The following UPK3A variants were observed in gnomAD, a reference collection of about 807,000 sequenced individuals.
UPK3A encodes uroplakin 3A, also known as uroplakin-3a.
In UPK3A, 32 loss-of-function variants were observed where a neutral mutation model predicts 27.6. The observed-to-expected ratio is 1.16, with a 90% CI of 0.87 to 1.55. UPK3A has a LOEUF of 1.55. Among genes scored for constraint, UPK3A ranks in the 40% most tolerant of loss-of-function variants. The pLI, the probability that UPK3A is intolerant of heterozygous loss-of-function variation, is 0.00. For synonymous variants in UPK3A, 171 were observed against 163.9 expected (o/e 1.04, Z -0.33); for missense variants, 370 against 367.9 (o/e 1.01, Z -0.05).
intron 3 of UPK3A, among the ~76,000 whole-genome samples, chr22:45,288,087 G>A (rs1034222770): frequency 5.9e-5 from 9 of 152,112 alleles, no homozygotes; most frequent in Non-Finnish European, 7.4e-5. Flanking sequence ...AAACCCCTTC[G>A]TCTTACAGGA....
At chr22:45,294,730 A>G (rs1810758578) in intron 5 of UPK3A, among the ~76,000 whole-genome samples, 1 of 151,808 alleles carries the variant, frequency 6.6e-6, no homozygotes, top group South Asian at 2.1e-4. Context: ...TTTTCCATGT[A>G]TCCCTCTTGC....
At chr22:45,286,424 C>T (rs9626305) in intron 2 of UPK3A, among the ~76,000 whole-genome samples, 1 of 152,198 alleles carries the variant, frequency 6.6e-6, no homozygotes, top group African/African-American at 2.4e-5. Flanking sequence ...CCCCCCTGGA[C>T]CTCCCAGGGC....
intron 4 of UPK3A, among the ~76,000 whole-genome samples, chr22:45,290,691 G>A (rs2084154442): frequency 6.6e-6 from 1 of 152,094 alleles, no homozygotes; most frequent in Middle Eastern, 3.2e-3. Context: ...TCCATGGCCT[G>A]TTAGGAACGG....
At chr22:45,288,651 A>T (rs2084136889) in intron 3 of UPK3A, among the ~76,000 whole-genome samples, 1 of 152,182 alleles carries the variant, frequency 6.6e-6, no homozygotes, top group Non-Finnish European at 1.5e-5. Flanking sequence ...TTTCTTTTTC[A>T]GTTTTCTTTG....
intron 5 of UPK3A, 132 bp from the exon 6 acceptor site, chr22:45,295,428 A>T: frequency 1.0e-6 from 1 of 1,004,770 alleles, no homozygotes; most frequent in Non-Finnish European, 1.6e-6. Context: ...AGAAAGATGG[A>T]TTGATTGAAT....
At chr22:45,292,213 G>C (rs1304877521) in intron 4 of UPK3A, among the ~76,000 whole-genome samples, 1 of 152,164 alleles carries the variant, frequency 6.6e-6, no homozygotes, top group Non-Finnish European at 1.5e-5. Context: ...GGTTCCTTTG[G>C]GGAACCCAGG....
chr22:45,293,236 C>T lies in UPK3A; in HGVS notation c.627C>T (p.Ile209=), dbSNP rs773622681. ...CAGGCCGGCGGAGCGGAGGCATGAT[C>T]GTCATCACTTCCATCCTGGGCTCCC... is the stretch of plus-strand genomic sequence containing the variant. ...TWPGRRSGGM[I]VITSILGSLP... Residue 209 remains isoleucine (I), a synonymous_variant, in exon 5 of 6, where the codon ATC becomes ATT. Transcript: ENST00000216211. 55 of 1,614,044 alleles carry T rather than the reference C, an allele frequency of 3.4e-5. No individual in the cohort carries two copies. The highest frequency in any genetic ancestry group is 2.7e-5 in the African/African-American group (2 of 74,936).
chr22:45,286,113 C>T lies in UPK3A; in HGVS notation c.208+17C>T, dbSNP rs201009211. ...TCGACTCAGGTAAGGGTCCTGCTTC[C>T]CTCTGGCTACTCCAAAAGGGGCTCT... On this transcript the variant is annotated intron_variant, in intron 2 of 5. Coordinates refer to ENST00000216211, the MANE Select transcript of UPK3A (RefSeq NM_006953.4). 52 of 1,613,914 alleles carry T rather than the reference C, an allele frequency of 3.2e-5. No individual in the cohort carries two copies. Among genetic ancestry groups the T allele is most frequent in the Middle Eastern group, 1.6e-4 (1 of 6,062 alleles).
chr22:45,290,918 T>C (rs1368243149), intron 4 of UPK3A, among the ~76,000 whole-genome samples: 1 of 152,066 alleles, frequency 6.6e-6, no homozygotes, highest in African/African-American at 2.4e-5. Flanking sequence ...TGTGTCACTG[T>C]CTCCCATCAC....
intron 4 of UPK3A, among the ~76,000 whole-genome samples, chr22:45,290,134 T>C (rs2084150058): frequency 6.6e-6 from 1 of 152,196 alleles, no homozygotes; most frequent in East Asian, 1.9e-4. Flanking sequence ...AACGCCAGGG[T>C]GCTGCGCTGT....
At chr22:45,288,017 G>A (rs2084131564) in intron 3 of UPK3A, among the ~76,000 whole-genome samples, 1 of 151,972 alleles carries the variant, frequency 6.6e-6, no homozygotes, top group African/African-American at 2.4e-5. Flanking sequence ...ATTTTGCTCT[G>A]GGGCCCACAG....
At position 45,294,414 on chromosome 22, in the gene UPK3A, C is replaced by CG. The variant is rs953957695; in HGVS notation, c.704+1101_704+1102insG. On this transcript the variant is annotated intron_variant, in intron 5 of 5. Coordinates refer to ENST00000216211, the MANE Select transcript of UPK3A (RefSeq NM_006953.4). ...CCCCATCCCTGCTAACCCTGGTACA[C>CG]CCCCCCCGGGAGACCTCGAGTCCTC... is the stretch of plus-strand genomic sequence containing the variant. 6.8e-4 allele frequency among the ~76,000 whole-genome samples: 45 copies of CG among 65,782 alleles called. No homozygotes were observed. In the African/African-American group the frequency reaches 0.015, roughly 21 times the overall value. 43.2% of individuals were successfully genotyped at this position (65,782 alleles called of 152,430 possible). A position where few individuals can be genotyped will look rare whatever the true frequency, so the allele number is the denominator to read the frequency against.
chr22:45,289,957 C>G (rs2147795581), intron 4 of UPK3A, among the ~76,000 whole-genome samples: 1 of 152,288 alleles, frequency 6.6e-6, no homozygotes, highest in East Asian at 1.9e-4. Context: ...GCTGACCCGG[C>G]ATTTACGTCC....
rs116064555 is a variant in UPK3A, at chr22:45,288,999, G to A, written c.489-62G>A. ...CTAGGCCATCCTACATCCCCCCACC[G>A]CCTCCCTGTGGGTGGGGCTCACAGG... On this transcript the variant is annotated intron_variant, in intron 3 of 5. Coordinates refer to ENST00000216211, the MANE Select transcript of UPK3A (RefSeq NM_006953.4). 857 of 1,533,550 alleles carry A rather than the reference G, an allele frequency of 5.6e-4. 6 individuals are homozygous for A. In the African/African-American group the frequency reaches 0.01, roughly 19 times the overall value. The allele number at this position is 1,533,550 out of a possible 1,614,324, so 95.0% of individuals were successfully genotyped here.
At chr22:45,290,332 C>T (rs1199854561) in intron 4 of UPK3A, among the ~76,000 whole-genome samples, 1 of 152,214 alleles carries the variant, frequency 6.6e-6, no homozygotes, top group Non-Finnish European at 1.5e-5. Flanking sequence ...GTGCATTTCA[C>T]CTGCAGAGCC....
intron 2 of UPK3A, 25 bp from the exon 3 acceptor site, chr22:45,287,147 C>T (rs774775556): frequency 1.1e-5 from 17 of 1,613,378 alleles, no homozygotes; most frequent in Non-Finnish European, 3.4e-6. Flanking sequence ...GGCCAGAAGC[C>T]TGACTCCCTG....
intron 2 of UPK3A, among the ~76,000 whole-genome samples, chr22:45,286,830 A>G (rs1476202449): frequency 1.3e-5 from 2 of 152,146 alleles, no homozygotes; most frequent in African/African-American, 4.8e-5. Context: ...TCCTGCCTCC[A>G]CGTTATTTCC....
At position 45,285,216 on chromosome 22, in the gene UPK3A, T is replaced by C. The variant is rs1298414030; in HGVS notation, c.52+151T>C. 6 of 738,934 alleles carry C rather than the reference T, an allele frequency of 8.1e-6. No individual in the cohort carries two copies. In the African/African-American group the frequency reaches 9.2e-5, roughly 11 times the overall value. The allele number at this position is 738,934 out of a possible 1,614,324, so 45.8% of individuals were successfully genotyped here. A position where few individuals can be genotyped will look rare whatever the true frequency, so the allele number is the denominator to read the frequency against. On this transcript the variant is annotated intron_variant, in intron 1 of 5. Coordinates refer to ENST00000216211, the MANE Select transcript of UPK3A (RefSeq NM_006953.4). ...TGATAGCCAACGTTTACGGGCCTCC[T>C]CTGTTGGGAATCCGAGGGCTCACAG... is the stretch of plus-strand genomic sequence containing the variant.
intron 1 of UPK3A, 63 bp from the exon 2 acceptor site, chr22:45,285,878 C>G (rs2084114123): frequency 6.2e-7 from 1 of 1,609,332 alleles, no homozygotes. Flanking sequence ...TCAGTAACTG[C>G]AAGCAGAGTG....
Sources: gnomAD v4.1 joint callset for allele counts (sites outside exome capture counted in the v4.1 genomes callset) on GRCh38, gnomAD v4.1.1 for gene constraint, MANE v1.5 for transcripts, NCBI Gene and HGNC (gene_info 2026-07-23, HGNC 2026-07-21) for gene names.